The following ATP8A2 variants were observed in gnomAD, a reference collection of about 807,000 sequenced individuals.
ATP8A2 encodes the protein phospholipid-transporting ATPase IB.
In ATP8A2, 100 loss-of-function variants were observed where a neutral mutation model predicts 165.6. That is an observed-to-expected ratio of 0.60 (90% CI 0.51 to 0.71). The LOEUF is 0.71. Among genes scored for constraint, ATP8A2 ranks in the 30% least tolerant of loss-of-function variants. The probability of loss-of-function intolerance (pLI) is 0.00; values close to 1 mark genes in which losing one functional copy is unlikely to be tolerated. For synonymous variants in ATP8A2, 543 were observed against 548.8 expected (o/e 0.99, Z 0.15); for missense variants, 1,227 against 1,479.5 (o/e 0.83, Z 2.80).
chr13:25,677,704 A>G (rs2042399874), intron 24 of ATP8A2, among the ~76,000 whole-genome samples: 1 of 152,154 alleles, frequency 6.6e-6, no homozygotes, highest in Admixed American at 6.5e-5. Flanking sequence ...ATTCTCTGTT[A>G]TAGTTTTCTA....
intron 35 of ATP8A2, among the ~76,000 whole-genome samples, chr13:25,982,847 C>T (rs911628831): frequency 3.3e-5 from 5 of 152,194 alleles, no homozygotes; most frequent in Non-Finnish European, 7.4e-5. Context: ...GGCAATTCTT[C>T]CATTAGGCAT....
intron 24 of ATP8A2, among the ~76,000 whole-genome samples, chr13:25,598,053 A>G (rs577211525): frequency 6.6e-6 from 1 of 152,204 alleles, no homozygotes; most frequent in South Asian, 2.1e-4. Flanking sequence ...TGTGCATGGT[A>G]TGAGGTAAGG....
At chr13:25,727,579 C>T (rs1419018033) in intron 25 of ATP8A2, among the ~76,000 whole-genome samples, 2 of 152,104 alleles carry the variant, frequency 1.3e-5, no homozygotes, top group Non-Finnish European at 2.9e-5. Flanking sequence ...TAAACTTTCC[C>T]AGAGGGAGTT....
intron 15 of ATP8A2, among the ~76,000 whole-genome samples, chr13:25,563,743 A>G (rs1043380640): frequency 1.3e-5 from 2 of 152,168 alleles, no homozygotes; most frequent in African/African-American, 2.4e-5. Flanking sequence ...GTTCTTTACA[A>G]TAACTCGTAA....
At chr13:25,660,896 C>A (rs1383111214) in intron 24 of ATP8A2, among the ~76,000 whole-genome samples, 1 of 152,014 alleles carries the variant, frequency 6.6e-6, no homozygotes, top group Non-Finnish European at 1.5e-5. Context: ...TACATAAAAC[C>A]AAAAGTGAGT....
chr13:25,372,222 G>A lies in ATP8A2; in HGVS notation c.10G>A (p.Gly4Ser). Residue 4 changes from glycine to serine, a missense_variant, in exon 1 of 37, where the codon GGC (glycine) becomes AGC (serine). By Grantham distance (56) the Gly-to-Ser change is moderately conservative. Coordinates refer to ENST00000381655, the MANE Select transcript of ATP8A2 (RefSeq NM_016529.6). The surrounding 1 kb of genome is among the most constrained non-coding windows in gnomAD (Gnocchi z 4.8). MLN[G>S]AGLDKALKMS... ...CCCCGACACGGGCGAGATGCTGAACGGCGCAGGCCTGGACAAAGCTCTTAA... is the reference window on the plus strand; with the variant it reads ...CCCCGACACGGGCGAGATGCTGAACAGCGCAGGCCTGGACAAAGCTCTTAA... The A allele has an allele frequency of 6.9e-7, 1 of 1,449,442 alleles. No homozygotes were observed. The highest frequency in any genetic ancestry group is 3.1e-5 in the East Asian group (1 of 32,280). 89.8% of individuals were successfully genotyped at this position (1,449,442 alleles called of 1,614,324 possible).
chr13:25,674,584 C>T (rs997157501), intron 24 of ATP8A2, among the ~76,000 whole-genome samples: 5 of 152,162 alleles, frequency 3.3e-5, no homozygotes, highest in African/African-American at 1.2e-4. Flanking sequence ...GTGCCTGCCA[C>T]AGACTTGAGT....
At position 25,769,219 on chromosome 13, in the gene ATP8A2, C is replaced by A. The variant is rs1159108190; in HGVS notation, c.2558C>A (p.Ala853Asp). 1 of 1,610,714 alleles carries A rather than the reference C, an allele frequency of 6.2e-7. No homozygotes were observed. Among genetic ancestry groups the A allele is most frequent in the East Asian group, 2.2e-5 (1 of 44,766 alleles). Residue 853 changes from alanine to aspartate, a missense_variant, in exon 26 of 37, where the codon GCC (alanine) becomes GAC (aspartate). By Grantham distance (126) the Ala-to-Asp change is moderately radical. This residue lies in a region of ATP8A2 where 592 missense variants were observed against 785.6 expected (regional missense o/e 0.75). Coordinates refer to ENST00000381655, the MANE Select transcript of ATP8A2 (RefSeq NM_016529.6). ...GMQATNNSDYAIAQFSYLEKL... is the reference protein window; with the variant it reads ...GMQATNNSDYDIAQFSYLEKL... The stretch of plus-strand genomic sequence containing the variant: ...CAGGCCACCAACAACTCGGATTACG[C>A]CATCGCACAGGTCAGCAGCTTGGGC...
chr13:25,710,138 T>C (rs1253636030), intron 25 of ATP8A2, among the ~76,000 whole-genome samples: 1 of 152,176 alleles, frequency 6.6e-6, no homozygotes, highest in Non-Finnish European at 1.5e-5. Context: ...TTTTAAAGTA[T>C]GGATACGTAC....
intron 27 of ATP8A2, among the ~76,000 whole-genome samples, chr13:25,825,145 CTTTTTTTTTTTTTTTTTT>C (rs60778003): frequency 3.6e-5 from 1 of 27,472 alleles, no homozygotes; most frequent in South Asian, 2.0e-3. Context: ...TATGTGTTTG[CTTTTTTTTTTTTTTTTTT>C]TTTTTTTTTT....
rs527492565 is a variant in ATP8A2 at position 25,570,305 on chromosome 13, G to A, written c.1474-462G>A. 3.9e-5 allele frequency among the ~76,000 whole-genome samples: 6 copies of A among 152,236 alleles called. No individual in the cohort carries two copies. The East Asian group carries it at 7.7e-4, about 20-fold the overall frequency. ...TGAGGGAGGCAGAACACACGCTTCC[G>A]GAGGATCTTGCGAGAGTGAGGCAGC... On this transcript the variant is annotated intron_variant, in intron 16 of 36. Coordinates refer to ENST00000381655, the MANE Select transcript of ATP8A2 (RefSeq NM_016529.6).
intron 4 of ATP8A2, among the ~76,000 whole-genome samples, chr13:25,531,125 TTG>T (rs1265242397): frequency 6.4e-5 from 9 of 139,706 alleles, no homozygotes; most frequent in African/African-American, 1.5e-4. Flanking sequence ...CCCTATATAT[TTG>T]TGTGTGTGTG....
At chr13:25,843,474 C>T (rs117905558) in intron 30 of ATP8A2, among the ~76,000 whole-genome samples, 3,853 of 152,024 alleles carry the variant, frequency 0.025, 147 homozygotes, top group East Asian at 0.17. Flanking sequence ...GTCGTGAGGG[C>T]GGATCTCTCA....
chr13:25,938,728 A>G (rs1013950277), intron 33 of ATP8A2, among the ~76,000 whole-genome samples: 4 of 152,180 alleles, frequency 2.6e-5, no homozygotes, highest in Non-Finnish European at 5.9e-5. Flanking sequence ...GGGGCTAGGA[A>G]GAGACACCTG....
chr13:25,596,682 A>T (rs2040244339), intron 24 of ATP8A2, among the ~76,000 whole-genome samples: 1 of 152,012 alleles, frequency 6.6e-6, no homozygotes, highest in African/African-American at 2.4e-5. Context: ...GGACATTTTC[A>T]TTATTTTCAG....
chr13:25,657,808 C>T (rs720651), intron 24 of ATP8A2, among the ~76,000 whole-genome samples: 60,870 of 152,028 alleles, frequency 0.4, 13,405 homozygotes, highest in Middle Eastern at 0.56. Flanking sequence ...TGCGTTAACA[C>T]GTAATTTAGT....
chr13:25,566,577 CCA>C (rs2039321088), intron 16 of ATP8A2, among the ~76,000 whole-genome samples: 1 of 152,060 alleles, frequency 6.6e-6, no homozygotes, highest in African/African-American at 2.4e-5. Context: ...TGCTCTTGGT[CCA>C]GTTTCACGAG....
intron 25 of ATP8A2, among the ~76,000 whole-genome samples, chr13:25,745,412 T>G (rs1335577255): frequency 6.6e-6 from 1 of 152,230 alleles, no homozygotes; most frequent in Non-Finnish European, 1.5e-5. Context: ...GGAGCCAGCC[T>G]AGACTGTAAA....
intron 33 of ATP8A2, chr13:25,944,379 T>C (rs1395857889): frequency 6.6e-6 from 1 of 152,232 alleles, no homozygotes; most frequent in Non-Finnish European, 1.5e-5. Context: ...TGGTGGCATA[T>C]GCCTGTAATC....
Sources: allele counts gnomAD v4.1 joint callset (sites outside exome capture counted in the v4.1 genomes callset), GRCh38; gene constraint gnomAD v4.1.1; regional missense constraint gnomAD v4.1.1; non-coding constraint Gnocchi (gnomAD v3.1); transcripts MANE v1.5; gene names NCBI Gene and HGNC (gene_info 2026-07-23, HGNC 2026-07-21).